The following PIK3C2G variants were observed in gnomAD, a reference collection of about 807,000 sequenced individuals.
PIK3C2G encodes the protein phosphatidylinositol 3-kinase C2 domain-containing subunit gamma.
PIK3C2G carries 168 observed loss-of-function variants against 181.1 expected under a neutral mutation model. The ratio of observed to expected loss-of-function variants is 0.93; its 90% CI spans 0.82 to 1.05. The LOEUF is 1.05. PIK3C2G is among the 50% of genes least tolerant of loss of function. The pLI is 0.00. For synonymous variants in PIK3C2G, 573 were observed against 592.2 expected (o/e 0.97, Z 0.47); for missense variants, 1,869 against 1,732.8 (o/e 1.08, Z -1.40).
At chr12:18,602,980 A>G (rs1198248178) in intron 30 of PIK3C2G, among the ~76,000 whole-genome samples, 1 of 152,176 alleles carries the variant, frequency 6.6e-6, no homozygotes, top group African/African-American at 2.4e-5. Context: ...ACACCCACTA[A>G]AAATCACACT....
chr12:18,607,701 G>A (rs184328323), intron 30 of PIK3C2G, among the ~76,000 whole-genome samples: 8 of 152,078 alleles, frequency 5.3e-5, no homozygotes, highest in Non-Finnish European at 1.0e-4. Flanking sequence ...TGGCAAATGG[G>A]ATCTAATTAA....
intron 11 of PIK3C2G, among the ~76,000 whole-genome samples, chr12:18,348,502 T>A (rs73064563): frequency 1.2e-4 from 18 of 152,112 alleles, no homozygotes; most frequent in South Asian, 8.3e-4. Flanking sequence ...TTTCTGCAAA[T>A]GTTCCTATAA....
upstream of PIK3C2G, among the ~76,000 whole-genome samples, chr12:18,243,852 A>G (rs1948011023): frequency 1.3e-5 from 2 of 151,944 alleles, no homozygotes; most frequent in Non-Finnish European, 2.9e-5. Flanking sequence ...AAAACAGAAG[A>G]CTTTTTAAAA....
At chr12:18,575,076 A>C (rs907693306) in intron 29 of PIK3C2G, among the ~76,000 whole-genome samples, 1 of 152,168 alleles carries the variant, frequency 6.6e-6, no homozygotes, top group African/African-American at 2.4e-5. Context: ...TAAAGAAGAA[A>C]ATCCTAGGTC....
intron 3 of PIK3C2G, among the ~76,000 whole-genome samples, chr12:18,289,918 G>C (rs1565559851): frequency 6.6e-6 from 1 of 152,168 alleles, no homozygotes; most frequent in East Asian, 1.9e-4. Flanking sequence ...TTCACCCTCA[G>C]AAACATTTTA....
At chr12:18,724,264 C>G in the PIK3C2G span, among the ~76,000 whole-genome samples, 11 of 152,030 alleles carry the variant, frequency 7.2e-5, no homozygotes, top group Admixed American at 7.2e-4. Context: ...CACTAAAGAA[C>G]AGACCTCGGT....
chr12:18,633,553 G>A (rs1376138481), intron 31 of PIK3C2G, among the ~76,000 whole-genome samples: 1 of 152,162 alleles, frequency 6.6e-6, no homozygotes, highest in Admixed American at 6.5e-5. Flanking sequence ...TGCCTGGAGT[G>A]GTCGTTGTAG....
the PIK3C2G span, among the ~76,000 whole-genome samples, chr12:18,680,635 A>G: frequency 6.6e-6 from 1 of 152,082 alleles, no homozygotes; most frequent in African/African-American, 2.4e-5. Context: ...TCTGTAACAC[A>G]TGTAAGTACA....
intron 24 of PIK3C2G, among the ~76,000 whole-genome samples, chr12:18,528,072 A>T (rs1943340313): frequency 1.3e-5 from 2 of 152,120 alleles, no homozygotes; most frequent in Admixed American, 6.6e-5. Context: ...ATAATAGTAC[A>T]TGCACTCTCA....
chr12:18,438,453 C>T (rs962044530), intron 18 of PIK3C2G, among the ~76,000 whole-genome samples: 2 of 151,930 alleles, frequency 1.3e-5, no homozygotes, highest in Non-Finnish European at 2.9e-5. Flanking sequence ...TTGACTACTC[C>T]TTCTTGTCTT....
chr12:18,680,936 G>A, the PIK3C2G span, among the ~76,000 whole-genome samples: 972 of 152,142 alleles, frequency 6.4e-3, 10 homozygotes, highest in African/African-American at 0.022. Context: ...AGGCTAAAGC[G>A]ATACTTGGTA....
intron 24 of PIK3C2G, among the ~76,000 whole-genome samples, chr12:18,522,138 T>C (rs1386994887): frequency 6.6e-6 from 1 of 152,226 alleles, no homozygotes; most frequent in Non-Finnish European, 1.5e-5. Context: ...CACACTGTTA[T>C]GGTTCTTTTC....
At chr12:18,426,714 C>A (rs1315205835) in intron 18 of PIK3C2G, among the ~76,000 whole-genome samples, 1 of 152,078 alleles carries the variant, frequency 6.6e-6, no homozygotes, top group African/African-American at 2.4e-5. Context: ...TATTTTTCTG[C>A]TTCAAGAAAT....
chr12:18,442,803 A>G lies in PIK3C2G; in HGVS notation c.2504+18764A>G, dbSNP rs544641635. Among the ~76,000 whole-genome samples, 3 of 152,238 alleles carry G rather than the reference A, an allele frequency of 2.0e-5. No individual in the cohort carries two copies. In the East Asian group the frequency reaches 5.8e-4, roughly 29 times the overall value. ...AAATTATGCATCTTTTTATGCATACATTTTTATATAGACTTGAGTTAGATC... is the reference window on the plus strand; with the variant it reads ...AAATTATGCATCTTTTTATGCATACGTTTTTATATAGACTTGAGTTAGATC... On this transcript the variant is annotated intron_variant, in intron 18 of 32. Coordinates refer to ENST00000538779, the MANE Select transcript of PIK3C2G (RefSeq NM_001288772.2).
In PIK3C2G at chr12:18,295,292, G is replaced by A. The variant is rs1275631386; in HGVS notation, c.1034+1277G>A. 2.0e-5 allele frequency among the ~76,000 whole-genome samples: 3 copies of A among 151,920 alleles called. No individual in the cohort carries two copies. The East Asian group carries it at 5.8e-4, about 29-fold the overall frequency. On this transcript the variant is annotated intron_variant, in intron 5 of 32. Transcript: ENST00000538779. ...ACAATTTTGACAGTAAATCCAATGA[G>A]CACAGGAAAGCATTTTAGTAAATTT... is the stretch of plus-strand genomic sequence containing the variant.
intron 29 of PIK3C2G, among the ~76,000 whole-genome samples, chr12:18,587,968 C>T (rs760562944): frequency 4.6e-5 from 7 of 151,730 alleles, no homozygotes; most frequent in Non-Finnish European, 8.8e-5. Flanking sequence ...TATAGCCAAC[C>T]GTTTTTTGAC....
At chr12:18,377,888 C>T (rs1470917169) in intron 13 of PIK3C2G, among the ~76,000 whole-genome samples, 1 of 152,112 alleles carries the variant, frequency 6.6e-6, no homozygotes, top group East Asian at 1.9e-4. Context: ...TGGAGTTTCA[C>T]TCTCGTTGCC....
intron 13 of PIK3C2G, among the ~76,000 whole-genome samples, chr12:18,376,133 A>T (rs1565652278): frequency 2.6e-5 from 4 of 152,142 alleles, no homozygotes; most frequent in Admixed American, 6.5e-5. Context: ...CATAGTAGAG[A>T]TGTGGGAAGT....
the PIK3C2G span, chr12:18,714,658 C>G: frequency 6.6e-6 from 1 of 152,056 alleles, no homozygotes; most frequent in Non-Finnish European, 1.5e-5. Context: ...TAAATTACCC[C>G]ATGTCTACAG....
Sources: gnomAD v4.1 joint callset for allele counts (sites outside exome capture counted in the v4.1 genomes callset) on GRCh38, gnomAD v4.1.1 for gene constraint, MANE v1.5 for transcripts, NCBI Gene and HGNC (gene_info 2026-07-23, HGNC 2026-07-21) for gene names.